OTOGL: variants seen among roughly 807,000 people sequenced by gnomAD.
The protein encoded by OTOGL is otogelin like.
A neutral mutation model predicts 318.5 loss-of-function variants in OTOGL; 285 were observed. The ratio of observed to expected loss-of-function variants is 0.89; its 90% CI spans 0.81 to 0.99. The LOEUF is 0.99. Among genes scored for constraint, OTOGL ranks in the 50% least tolerant of loss-of-function variants. OTOGL has a pLI of 0.00. For synonymous variants in OTOGL, 987 were observed against 936.5 expected, an observed-to-expected ratio of 1.05 and a Z score of -0.99; for missense variants, 2,899 against 2,845.6, an observed-to-expected ratio of 1.02 and a Z score of -0.43.
At chr12:80,372,194 G>A (rs1194040039) in intron 57 of OTOGL, 130 bp downstream of exon 57, 2 of 569,556 alleles carry the variant, frequency 3.5e-6, no homozygotes, top group Non-Finnish European at 5.3e-6. Context: ...AAATATTTTT[G>A]TATCGTATGT....
intron 1 of OTOGL, among the ~76,000 whole-genome samples, chr12:80,188,565 A>G (rs1221293059): frequency 6.7e-6 from 1 of 150,330 alleles, no homozygotes; most frequent in East Asian, 1.9e-4. Context: ...AATAATAATA[A>G]ATAAATATAA....
chr12:80,235,485 A>C (rs1434729154), intron 9 of OTOGL, among the ~76,000 whole-genome samples: 1 of 151,684 alleles, frequency 6.6e-6, no homozygotes, highest in African/African-American at 2.4e-5. Flanking sequence ...AAAAAAAAAA[A>C]AAAAGAAAGA....
intron 1 of OTOGL, among the ~76,000 whole-genome samples, chr12:80,128,391 T>G (rs1482784310): frequency 6.6e-6 from 1 of 152,172 alleles, no homozygotes; most frequent in Non-Finnish European, 1.5e-5. Context: ...GCCTGATCGT[T>G]CCTCTGGAAG....
intron 1 of OTOGL, among the ~76,000 whole-genome samples, chr12:80,195,379 A>AT (rs1338548989): frequency 2.0e-5 from 3 of 152,212 alleles, no homozygotes; most frequent in Admixed American, 1.3e-4. Flanking sequence ...TTAATGGCAG[A>AT]TTCCTAGCTC....
chr12:80,278,245 G>A lies in OTOGL; in HGVS notation c.2759G>A (p.Gly920Glu), dbSNP rs1200822983. 3 of 1,545,442 alleles carry A rather than the reference G, an allele frequency of 1.9e-6. No homozygotes were observed. Among genetic ancestry groups the A allele is most frequent in the African/African-American group, 2.7e-5 (2 of 72,770 alleles). Residue 920 changes from glycine (G) to glutamate (E), a missense_variant, in exon 25 of 59, where the codon GGA becomes GAA. Gly to Glu is a moderately conservative substitution (Grantham distance 98, BLOSUM62 -2). This residue lies in a region of OTOGL where 2,607 missense variants were observed against 2,524.9 expected (regional missense o/e 1.03). Transcript: ENST00000547103. The stretch of plus-strand genomic sequence containing the variant: ...TGGAAAGATTGGGAGTATCTCTCAG[G>A]AGAAGTGATTGCTACACCGTGTTAC... ...CIWKDWEYLSGEVIATPCYTC... is the reference protein window; with the variant it reads ...CIWKDWEYLSEEVIATPCYTC...
chr12:80,318,514 A>T, intron 32 of OTOGL, 32 bp from the exon 33 acceptor site: 2 of 1,207,064 alleles, frequency 1.7e-6, no homozygotes, highest in Non-Finnish European at 2.1e-6. Flanking sequence ...AATCTATGCC[A>T]ATTTATAATT....
intron 1 of OTOGL, among the ~76,000 whole-genome samples, chr12:80,166,657 A>G (rs896484031): frequency 1.3e-5 from 2 of 152,230 alleles, no homozygotes; most frequent in Non-Finnish European, 2.9e-5. Context: ...TATAAATTGT[A>G]GATAAGGAAT....
intron 1 of OTOGL, among the ~76,000 whole-genome samples, chr12:80,198,908 T>G (rs1375864217): frequency 1.3e-5 from 2 of 152,236 alleles, no homozygotes; most frequent in Non-Finnish European, 2.9e-5. Context: ...AGTGGTTTCC[T>G]GTGGCTGTTT....
intron 1 of OTOGL, among the ~76,000 whole-genome samples, chr12:80,112,346 C>G (rs1275082450): frequency 1.3e-5 from 2 of 152,112 alleles, no homozygotes; most frequent in Non-Finnish European, 2.9e-5. Context: ...ATGCTTCCAG[C>G]TTTTGCCCAT....
intron 1 of OTOGL, among the ~76,000 whole-genome samples, chr12:80,178,227 A>G (rs1412813485): frequency 2.6e-5 from 4 of 151,086 alleles, no homozygotes; most frequent in Non-Finnish European, 5.9e-5. Flanking sequence ...TGCCCGGCTA[A>G]TTTTTGTATT....
intron 7 of OTOGL, among the ~76,000 whole-genome samples, chr12:80,225,244 C>T (rs1233464406): frequency 6.6e-6 from 1 of 151,862 alleles, no homozygotes. Flanking sequence ...TACTCCCCCA[C>T]CCCTCACTTG....
intron 1 of OTOGL, among the ~76,000 whole-genome samples, chr12:80,192,535 C>T (rs138861866): frequency 1.4e-3 from 212 of 152,318 alleles, no homozygotes; most frequent in African/African-American, 5.1e-3. Flanking sequence ...ATGCTGGAAA[C>T]ATTGCTTCAC....
intron 12 of OTOGL, 28 bp from the exon 13 acceptor site, chr12:80,252,048 C>G: frequency 6.7e-7 from 1 of 1,488,538 alleles, no homozygotes; most frequent in Non-Finnish European, 9.0e-7. Context: ...ATAAAATTGA[C>G]TTAAGCTCCC....
chr12:80,250,918 AT>A lies in OTOGL; in HGVS notation c.1053-771del, dbSNP rs1881484998. On this transcript the variant is annotated intron_variant, in intron 11 of 58. Coordinates refer to ENST00000547103, the MANE Select transcript of OTOGL (RefSeq NM_001378609.3). ...ATTTTCAGAGCTCTAATAGGAAATT[AT>A]TTTGGGGGGAAGCTCCTGAAGTGAT... 2.0e-5 allele frequency among the ~76,000 whole-genome samples: 3 copies of A among 152,192 alleles called. No homozygotes were observed. In the South Asian group the frequency reaches 6.2e-4, roughly 31 times the overall value.
At chr12:80,254,959 C>A in intron 15 of OTOGL, 81 bp from the exon 16 acceptor site, 2 of 1,169,368 alleles carry the variant, frequency 1.7e-6, no homozygotes, top group Non-Finnish European at 1.1e-6. Flanking sequence ...AAGGATTAAC[C>A]TAATGGTATC....
chr12:80,111,999 C>A (rs1455893814), intron 1 of OTOGL, among the ~76,000 whole-genome samples: 2 of 152,124 alleles, frequency 1.3e-5, no homozygotes, highest in Non-Finnish European at 2.9e-5. Context: ...ATTTTATTCT[C>A]TATGTAGCAA....
At chr12:80,313,757 AT>A in intron 31 of OTOGL, 125 bp downstream of exon 31, 1 of 744,092 alleles carries the variant, frequency 1.3e-6, no homozygotes, top group Non-Finnish European at 2.0e-6. Flanking sequence ...AAATGACTAA[AT>A]TTTATATTCC....
chr12:80,186,700 G>C (rs768817931), intron 1 of OTOGL, among the ~76,000 whole-genome samples: 30 of 151,888 alleles, frequency 2.0e-4, no homozygotes, highest in Non-Finnish European at 1.2e-4. Context: ...CTCCTTTCCT[G>C]TTCCTGCTTG....
intron 1 of OTOGL, among the ~76,000 whole-genome samples, chr12:80,201,868 C>T (rs1876481471): frequency 6.6e-6 from 1 of 152,182 alleles, no homozygotes; most frequent in African/African-American, 2.4e-5. Context: ...AAAGGCATAT[C>T]TATAATTCTA....
Sources: allele counts gnomAD v4.1 joint callset (sites outside exome capture counted in the v4.1 genomes callset), GRCh38; gene constraint gnomAD v4.1.1; regional missense constraint gnomAD v4.1.1; transcripts MANE v1.5; gene names NCBI Gene and HGNC (gene_info 2026-07-23, HGNC 2026-07-21).